The following HIVEP3 variants were observed in gnomAD, a reference collection of about 807,000 sequenced individuals.
HIVEP3 encodes the protein HIVEP zinc finger 3, also known as transcription factor HIVEP3.
A neutral mutation model predicts 152.8 loss-of-function variants in HIVEP3; 49 were observed. The ratio of observed to expected loss-of-function variants is 0.32; its 90% CI spans 0.26 to 0.41. HIVEP3 has a LOEUF of 0.41. HIVEP3 is among the 10% of genes least tolerant of loss of function. The probability of loss-of-function intolerance (pLI) is 1.00; values close to 1 mark genes in which losing one functional copy is unlikely to be tolerated. For missense variants in HIVEP3, 2,790 were observed against 3,103.3 expected (o/e 0.90, Z 2.40); for synonymous variants, 1,269 against 1,289.0 (o/e 0.98, Z 0.33).
chr1:41,879,301 A>C (rs1557477770), intron 1 of HIVEP3, among the ~76,000 whole-genome samples: 1 of 152,188 alleles, frequency 6.6e-6, no homozygotes, highest in South Asian at 2.1e-4. Flanking sequence ...AGGATGTGCC[A>C]TTCGCCAAGG....
intron 1 of HIVEP3, among the ~76,000 whole-genome samples, chr1:41,943,696 GTTA>G (rs1046874346): frequency 5.9e-5 from 9 of 152,216 alleles, no homozygotes. Flanking sequence ...AGTGTCTAGA[GTTA>G]TTACCAGAAC....
upstream of HIVEP3, among the ~76,000 whole-genome samples, chr1:41,920,144 G>A (rs1032678700): frequency 6.6e-6 from 1 of 152,278 alleles, no homozygotes; most frequent in African/African-American, 2.4e-5. Flanking sequence ...CCCTCTTCCA[G>A]GGCCCTTTGG....
chr1:41,550,889 C>T (rs1643886996), intron 5 of HIVEP3, among the ~76,000 whole-genome samples: 1 of 152,170 alleles, frequency 6.6e-6, no homozygotes, highest in Non-Finnish European at 1.5e-5. Flanking sequence ...CCTGATTGCC[C>T]TGGCCAGAAC....
At chr1:41,982,356 T>C (rs1645298130) in intron 1 of HIVEP3, among the ~76,000 whole-genome samples, 1 of 152,182 alleles carries the variant, frequency 6.6e-6, no homozygotes, top group African/African-American at 2.4e-5. Flanking sequence ...ACTGCGTCCC[T>C]CTCATCTTCC....
At chr1:42,013,407 G>T (rs1645504225) in intron 1 of HIVEP3, among the ~76,000 whole-genome samples, 1 of 152,106 alleles carries the variant, frequency 6.6e-6, no homozygotes, top group African/African-American at 2.4e-5. Context: ...TCAAAGATTT[G>T]CTTTTGATGT....
chr1:41,927,662 T>C (rs894424711), intron 1 of HIVEP3, among the ~76,000 whole-genome samples: 1 of 152,142 alleles, frequency 6.6e-6, no homozygotes, highest in Non-Finnish European at 1.5e-5. Context: ...AATCAGAAGA[T>C]GGACCACCAG....
At chr1:41,555,347 T>C (rs909995091) in intron 5 of HIVEP3, among the ~76,000 whole-genome samples, 1 of 152,182 alleles carries the variant, frequency 6.6e-6, no homozygotes, top group Non-Finnish European at 1.5e-5. Context: ...CTAAGACCAT[T>C]GGAAAAGCAC....
chr1:41,577,088 C>T (rs1007644551), intron 4 of HIVEP3, among the ~76,000 whole-genome samples: 8 of 152,168 alleles, frequency 5.3e-5, no homozygotes, highest in African/African-American at 1.2e-4. Flanking sequence ...CACAGCCTGC[C>T]GTGATATCTG....
chr1:41,766,013 C>A (rs1422308735), intron 1 of HIVEP3, among the ~76,000 whole-genome samples: 2 of 152,238 alleles, frequency 1.3e-5, no homozygotes, highest in African/African-American at 4.8e-5. Flanking sequence ...GCTGCACTTG[C>A]CCCTAGCTGG....
At chr1:42,015,268 C>A (rs901434857) in intron 1 of HIVEP3, among the ~76,000 whole-genome samples, 1 of 152,198 alleles carries the variant, frequency 6.6e-6, no homozygotes, top group Non-Finnish European at 1.5e-5. Context: ...TATAATGCAA[C>A]CCTCTGTTAG....
chr1:41,975,927 T>G (rs895644451), intron 1 of HIVEP3, among the ~76,000 whole-genome samples: 1 of 152,188 alleles, frequency 6.6e-6, no homozygotes, highest in Non-Finnish European at 1.5e-5. Context: ...GGCCCTACTG[T>G]TGGCTCACGA....
chr1:41,916,596 A>G (rs1354811234), intron 1 of HIVEP3, among the ~76,000 whole-genome samples: 1 of 152,136 alleles, frequency 6.6e-6, no homozygotes, highest in African/African-American at 2.4e-5. Context: ...AAAAACTCCC[A>G]CAATCTTTAA....
rs79440728 is a variant in HIVEP3 at position 41,912,595 on chromosome 1, G to A, written c.-801+5818C>T. Among the ~76,000 whole-genome samples, 1,020 of 152,278 alleles carry A rather than the reference G, an allele frequency of 6.7e-3. 5 individuals carry two copies. The highest frequency in any genetic ancestry group is 0.011 in the Non-Finnish European group (723 of 68,020). On this transcript the variant is annotated intron_variant, in intron 1 of 8. Transcript: ENST00000372583. ...AGGCCCAACCTCCAGGGCACATTAT[G>A]CTCTGGCTCATTTATTTGATACAAT...
intron 5 of HIVEP3, among the ~76,000 whole-genome samples, chr1:41,532,092 C>T (rs188411565): frequency 0.021 from 1,835 of 85,956 alleles, 28 homozygotes; most frequent in South Asian, 0.063. Flanking sequence ...AGATGGAAGA[C>T]GGGAGAGAGA....
At position 41,979,705 on chromosome 1, in the gene HIVEP3, T is replaced by C. The variant is rs58310363; in HGVS notation, n.119+56102A>G. On this transcript the variant is annotated intron_variant and non_coding_transcript_variant, in intron 1 of 3. Transcript: ENST00000489103. ...GCCACATTCTGAAAGTAACACTGGTTGATTTCTGTGTACTCAGAAGGCCCA... is the reference window on the plus strand; with the variant it reads ...GCCACATTCTGAAAGTAACACTGGTCGATTTCTGTGTACTCAGAAGGCCCA... Among the ~76,000 whole-genome samples, 1,148 of 152,324 alleles carry C rather than the reference T, an allele frequency of 7.5e-3. 11 individuals are homozygous for C. Among genetic ancestry groups the C allele is most frequent in the African/African-American group, 0.027 (1,111 of 41,566 alleles).
At chr1:41,553,860 G>T (rs1411718162) in intron 5 of HIVEP3, among the ~76,000 whole-genome samples, 2 of 152,248 alleles carry the variant, frequency 1.3e-5, no homozygotes, top group African/African-American at 4.8e-5. Context: ...TCTGCCGAGA[G>T]ATCCACTGTT....
chr1:41,766,571 TAG>T (rs952775434), intron 1 of HIVEP3, among the ~76,000 whole-genome samples: 1 of 152,178 alleles, frequency 6.6e-6, no homozygotes, highest in Non-Finnish European at 1.5e-5. Context: ...AATGAGGAAA[TAG>T]AGAGACTGAA....
At chr1:41,723,479 TACACACACACACACACAGCCACCACACAC>T (rs1646706707) in intron 1 of HIVEP3, among the ~76,000 whole-genome samples, 1 of 118,852 alleles carries the variant, frequency 8.4e-6, no homozygotes, top group South Asian at 2.4e-4. Context: ...CATAAAATCA[TACACACACACACACACAGCCACCACACAC>T]ACACACACAC....
chr1:41,524,654 C>A (rs1642848974), intron 6 of HIVEP3, 81 bp downstream of exon 6: 3 of 1,319,532 alleles, frequency 2.3e-6, no homozygotes, highest in East Asian at 2.3e-5. Context: ...GAGGTCTGGG[C>A]ACCTGAACTC....
Sources: gnomAD v4.1 joint callset for allele counts (sites outside exome capture counted in the v4.1 genomes callset) on GRCh38, gnomAD v4.1.1 for gene constraint, MANE v1.5 for transcripts, NCBI Gene and HGNC (gene_info 2026-07-23, HGNC 2026-07-21) for gene names.